Variants in XKR6 observed in about 807,000 individuals in gnomAD.
XKR6 encodes XK-related protein 6.
In XKR6, 22 loss-of-function variants were observed where a neutral mutation model predicts 56.7. That is an observed-to-expected ratio of 0.39 (90% CI 0.28 to 0.55). The LOEUF (loss-of-function observed/expected upper bound fraction) is 0.55, where lower values mean the gene tolerates loss of function less well. Among genes scored for constraint, XKR6 ranks in the 20% least tolerant of loss-of-function variants. The pLI is 0.66. For synonymous variants in XKR6, 524 were observed against 387.8 expected (o/e 1.35, Z -4.13); for missense variants, 852 against 889.0 (o/e 0.96, Z 0.53).
rs538173085 is a variant in XKR6 at position 11,127,933 on chromosome 8, A to G, written c.764+72643T>C. Among the ~76,000 whole-genome samples, 28 of 152,320 alleles carry G rather than the reference A, an allele frequency of 1.8e-4. No homozygotes were observed. In the East Asian group the frequency reaches 5.4e-3, roughly 29 times the overall value. On this transcript the variant is annotated intron_variant, in intron 1 of 2. Coordinates refer to ENST00000416569, the MANE Select transcript of XKR6 (RefSeq NM_173683.4). ...CTTAAAATTTTGAACACTGTTACCTAAGGAGGACATGGCTATTTCAATGCA... is the reference window on the plus strand; with the variant it reads ...CTTAAAATTTTGAACACTGTTACCTGAGGAGGACATGGCTATTTCAATGCA...
At chr8:11,126,806 G>A (rs570753523) in intron 1 of XKR6, among the ~76,000 whole-genome samples, 40 of 152,290 alleles carry the variant, frequency 2.6e-4, no homozygotes, top group Admixed American at 1.3e-3. Flanking sequence ...GGAGATGTTA[G>A]AATCCTGGGG....
At chr8:10,907,431 C>A (rs1285792022) in intron 2 of XKR6, among the ~76,000 whole-genome samples, 3 of 152,156 alleles carry the variant, frequency 2.0e-5, no homozygotes, top group African/African-American at 7.2e-5. Flanking sequence ...ACTGAACAGC[C>A]ACCTTGACCC....
At chr8:11,012,391 G>C (rs948897103) in intron 1 of XKR6, among the ~76,000 whole-genome samples, 1 of 152,160 alleles carries the variant, frequency 6.6e-6, no homozygotes, top group Non-Finnish European at 1.5e-5. Flanking sequence ...AAGAAAAACT[G>C]AATGAGTTAA....
At chr8:10,943,908 G>A (rs1801458716) in intron 1 of XKR6, among the ~76,000 whole-genome samples, 1 of 152,154 alleles carries the variant, frequency 6.6e-6, no homozygotes, top group Non-Finnish European at 1.5e-5. Flanking sequence ...GGATCAGGGA[G>A]TTCAATGGCC....
At chr8:11,059,739 G>C (rs907286208) in intron 1 of XKR6, among the ~76,000 whole-genome samples, 1 of 150,150 alleles carries the variant, frequency 6.7e-6, no homozygotes, top group Non-Finnish European at 1.5e-5. Context: ...GCGCCCCCCG[G>C]ACCCCGCCCC....
chr8:11,167,743 G>A (rs142417772), intron 1 of XKR6, among the ~76,000 whole-genome samples: 1 of 152,218 alleles, frequency 6.6e-6, no homozygotes, highest in East Asian at 1.9e-4. Context: ...CCCCAGCAAA[G>A]AGCCAACCTG....
At chr8:11,116,017 G>C (rs1242140776) in intron 1 of XKR6, among the ~76,000 whole-genome samples, 1 of 152,156 alleles carries the variant, frequency 6.6e-6, no homozygotes, top group African/African-American at 2.4e-5. Flanking sequence ...AAGAAGACAA[G>C]AACTATTGGG....
intron 1 of XKR6, among the ~76,000 whole-genome samples, chr8:10,980,623 T>C (rs1586386654): frequency 6.6e-6 from 1 of 152,214 alleles, no homozygotes; most frequent in South Asian, 2.1e-4. Flanking sequence ...ATGGTATCTA[T>C]CCATGTTACA....
intron 1 of XKR6, among the ~76,000 whole-genome samples, chr8:10,992,625 T>C (rs1361223594): frequency 6.6e-6 from 1 of 152,004 alleles, no homozygotes; most frequent in Non-Finnish European, 1.5e-5. Flanking sequence ...AAGACCTAGA[T>C]TGGACATCAA....
At chr8:11,186,330 G>A (rs1242018745) in intron 1 of XKR6, among the ~76,000 whole-genome samples, 1 of 152,178 alleles carries the variant, frequency 6.6e-6, no homozygotes, top group Non-Finnish European at 1.5e-5. Flanking sequence ...TCCACGGCTA[G>A]TTCTTCACAA....
At chr8:11,004,297 C>A (rs1329726551) in intron 1 of XKR6, among the ~76,000 whole-genome samples, 1 of 151,996 alleles carries the variant, frequency 6.6e-6, no homozygotes, top group East Asian at 1.9e-4. Flanking sequence ...CATGGTGAAA[C>A]CTCATCTCTA....
intron 1 of XKR6, among the ~76,000 whole-genome samples, chr8:11,014,906 G>T (rs2129146885): frequency 6.6e-6 from 1 of 152,332 alleles, no homozygotes; most frequent in Admixed American, 6.5e-5. Context: ...CACTGTCTCA[G>T]AGAGAAAAGC....
At chr8:11,121,846 T>C (rs1799472854) in intron 1 of XKR6, among the ~76,000 whole-genome samples, 1 of 152,206 alleles carries the variant, frequency 6.6e-6, no homozygotes, top group South Asian at 2.1e-4. Flanking sequence ...AATGGAATAC[T>C]ATGCAGCCAT....
chr8:11,114,126 A>T (rs1236679676), intron 1 of XKR6: 11 of 429,602 alleles, frequency 2.6e-5, no homozygotes, highest in Non-Finnish European at 5.0e-5. Flanking sequence ...TGAACAAATG[A>T]GCATGGAATG....
intron 1 of XKR6, among the ~76,000 whole-genome samples, chr8:11,091,459 A>ATAAATAAC (rs1165683719): frequency 1.3e-4 from 20 of 151,826 alleles, no homozygotes; most frequent in Non-Finnish European, 2.8e-4. Context: ...AAATAAATAG[A>ATAAATAAC]TAGATAGATA....
intron 1 of XKR6, among the ~76,000 whole-genome samples, chr8:11,016,923 T>G (rs1798638422): frequency 6.6e-6 from 1 of 152,218 alleles, no homozygotes; most frequent in Non-Finnish European, 1.5e-5. Flanking sequence ...ACCTTTCCTT[T>G]AGATAGACAG....
At chr8:11,116,707 C>A (rs762082364) in intron 1 of XKR6, among the ~76,000 whole-genome samples, 27 of 152,170 alleles carry the variant, frequency 1.8e-4, no homozygotes, top group Admixed American at 1.3e-4. Flanking sequence ...CTAAAAGCAG[C>A]TGAGAGGTTT....
chr8:11,090,440 A>T (rs1352154022), intron 1 of XKR6, among the ~76,000 whole-genome samples: 1 of 151,138 alleles, frequency 6.6e-6, no homozygotes, highest in Non-Finnish European at 1.5e-5. Context: ...CATTTTTGCC[A>T]CTAAAAGCAA....
intron 1 of XKR6, among the ~76,000 whole-genome samples, chr8:11,161,024 T>A (rs1466494589): frequency 6.6e-6 from 1 of 152,028 alleles, no homozygotes; most frequent in Non-Finnish European, 1.5e-5. Context: ...TGGGCCCTTC[T>A]AACCTTAAGA....
Sources: allele counts gnomAD v4.1 joint callset (sites outside exome capture counted in the v4.1 genomes callset), GRCh38; gene constraint gnomAD v4.1.1; transcripts MANE v1.5; gene names NCBI Gene and HGNC (gene_info 2026-07-23, HGNC 2026-07-21).